The following MAGI2 variants were observed in gnomAD, a reference collection of about 807,000 sequenced individuals.
The protein encoded by MAGI2 is membrane-associated guanylate kinase, WW and PDZ domain-containing protein 2.
In MAGI2, 35 loss-of-function variants were observed where a neutral mutation model predicts 133.3. That is an observed-to-expected ratio of 0.26 (90% CI 0.20 to 0.35). The LOEUF is 0.35. Among genes scored for constraint, MAGI2 ranks in the 10% least tolerant of loss-of-function variants. The probability of loss-of-function intolerance (pLI) is 1.00; values close to 1 mark genes in which losing one functional copy is unlikely to be tolerated. For synonymous variants in MAGI2, 729 were observed against 710.6 expected (o/e 1.03, Z -0.41); for missense variants, 1,636 against 1,863.4 (o/e 0.88, Z 2.25).
At chr7:79,441,137 G>A (rs1476629909) in intron 1 of MAGI2, among the ~76,000 whole-genome samples, 1 of 152,130 alleles carries the variant, frequency 6.6e-6, no homozygotes, top group Non-Finnish European at 1.5e-5. Flanking sequence ...TCCTTCCCGC[G>A]GTCTGAGGCC....
chr7:78,968,508 T>A (rs1454042849), intron 2 of MAGI2, among the ~76,000 whole-genome samples: 1 of 151,980 alleles, frequency 6.6e-6, no homozygotes, highest in Non-Finnish European at 1.5e-5. Flanking sequence ...ATTTTTGATG[T>A]TACTATAATG....
At chr7:79,283,483 A>G (rs1443028832) in intron 1 of MAGI2, among the ~76,000 whole-genome samples, 1 of 152,060 alleles carries the variant, frequency 6.6e-6, no homozygotes, top group Non-Finnish European at 1.5e-5. Context: ...GATTTTGTTT[A>G]CCATCCTCTG....
intron 5 of MAGI2, 86 bp downstream of exon 5, chr7:78,501,491 T>TTC (rs1554443939): frequency 6.7e-6 from 8 of 1,190,394 alleles, no homozygotes; most frequent in Non-Finnish European, 3.6e-6. Flanking sequence ...TTTCTTTTTT[T>TTC]TTTTTTTTCC....
chr7:78,518,510 C>G (rs1005860514), intron 4 of MAGI2: 1 of 152,104 alleles, frequency 6.6e-6, no homozygotes, highest in Non-Finnish European at 1.5e-5. Context: ...ACTCCTAAAG[C>G]ATGGTAAGCA....
rs571891217 is a variant in MAGI2, at chr7:78,728,742, T to A, written c.419-101503A>T. Among the ~76,000 whole-genome samples, 548 of 139,246 alleles carry A rather than the reference T, an allele frequency of 3.9e-3. 24 individuals are homozygous for A. Among genetic ancestry groups the A allele is most frequent in the African/African-American group, 0.014 (528 of 37,818 alleles). The allele number at this position is 139,246 out of a possible 152,430, so 91.4% of individuals were successfully genotyped here. A position where few individuals can be genotyped will look rare whatever the true frequency, so the allele number is the denominator to read the frequency against. ...CACTACGCCCGGCTAATTTTTTGTA[T>A]TTTTAGTAGAGACGGGGTTTCACCG... On this transcript the variant is annotated intron_variant, in intron 2 of 21. Transcript: ENST00000354212.
chr7:78,275,006 C>G (rs977879515), intron 9 of MAGI2, among the ~76,000 whole-genome samples: 1 of 151,338 alleles, frequency 6.6e-6, no homozygotes, highest in African/African-American at 2.4e-5. Flanking sequence ...AAAAAAAACT[C>G]CTGCAGCTAG....
At chr7:78,597,966 TAGTA>T (rs1243940982) in intron 3 of MAGI2, among the ~76,000 whole-genome samples, 2 of 152,136 alleles carry the variant, frequency 1.3e-5, no homozygotes, top group Non-Finnish European at 2.9e-5. Flanking sequence ...GTAATCACTA[TAGTA>T]AGTGACACCA....
intron 10 of MAGI2, among the ~76,000 whole-genome samples, chr7:78,219,210 T>G (rs1376345438): frequency 6.6e-6 from 1 of 152,182 alleles, no homozygotes; most frequent in Non-Finnish European, 1.5e-5. Flanking sequence ...TGGTTTTAGC[T>G]TCTGTCTGCA....
At chr7:78,128,626 A>G (rs1821234524) in intron 18 of MAGI2, among the ~76,000 whole-genome samples, 1 of 151,996 alleles carries the variant, frequency 6.6e-6, no homozygotes, top group Non-Finnish European at 1.5e-5. Context: ...AGTATTAAGT[A>G]TTTTTAAAAA....
intron 9 of MAGI2, among the ~76,000 whole-genome samples, chr7:78,324,214 C>CTACACTA (rs1163068156): frequency 2.0e-5 from 3 of 151,296 alleles, no homozygotes; most frequent in Non-Finnish European, 4.4e-5. Context: ...CTACACTACA[C>CTACACTA]TTTAGAAGCC....
intron 2 of MAGI2, among the ~76,000 whole-genome samples, chr7:78,746,332 C>T (rs1822926999): frequency 6.6e-6 from 1 of 152,202 alleles, no homozygotes; most frequent in East Asian, 1.9e-4. Context: ...ATACACTGCT[C>T]TTGGCTTGAT....
chr7:78,471,375 C>A (rs927478192), intron 6 of MAGI2, among the ~76,000 whole-genome samples: 1 of 152,054 alleles, frequency 6.6e-6, no homozygotes, highest in Non-Finnish European at 1.5e-5. Context: ...AGTGATAGCA[C>A]TGGGCTGTTG....
chr7:79,240,487 GAGAGCA>G (rs373670559), intron 1 of MAGI2, among the ~76,000 whole-genome samples: 213 of 152,178 alleles, frequency 1.4e-3, no homozygotes, highest in African/African-American at 5.0e-3. Flanking sequence ...TCTCAATGTG[GAGAGCA>G]CACTGGCAGA....
chr7:78,923,533 G>T (rs901222356), intron 2 of MAGI2, among the ~76,000 whole-genome samples: 2 of 152,072 alleles, frequency 1.3e-5, no homozygotes, highest in Non-Finnish European at 2.9e-5. Flanking sequence ...TGAGGGCTCT[G>T]TTCTGTTCCA....
chr7:79,065,055 T>C (rs1814162751), intron 1 of MAGI2, among the ~76,000 whole-genome samples: 1 of 152,076 alleles, frequency 6.6e-6, no homozygotes, highest in Non-Finnish European at 1.5e-5. Flanking sequence ...ATTTCTGTAC[T>C]GTATTGTAGG....
At chr7:78,319,177 C>T (rs1055400377) in intron 9 of MAGI2, among the ~76,000 whole-genome samples, 2 of 152,192 alleles carry the variant, frequency 1.3e-5, no homozygotes, top group African/African-American at 4.8e-5. Context: ...CTGGCAAATT[C>T]GATAAAGAGT....
At chr7:79,123,617 C>T (rs1820106407) in intron 1 of MAGI2, among the ~76,000 whole-genome samples, 1 of 151,788 alleles carries the variant, frequency 6.6e-6, no homozygotes, top group Non-Finnish European at 1.5e-5. Flanking sequence ...GAAACCTCAT[C>T]TCTACTAAAA....
intron 6 of MAGI2, among the ~76,000 whole-genome samples, chr7:78,480,758 T>C (rs775212032): frequency 1.3e-5 from 2 of 151,882 alleles, no homozygotes; most frequent in Non-Finnish European, 2.9e-5. Flanking sequence ...AAAATCAATC[T>C]CATGTATATA....
At chr7:78,819,551 A>T (rs1156398351) in intron 2 of MAGI2, among the ~76,000 whole-genome samples, 1 of 152,082 alleles carries the variant, frequency 6.6e-6, no homozygotes, top group African/African-American at 2.4e-5. Context: ...ATTGAAACAG[A>T]CTAAAAATAA....
Sources: allele counts gnomAD v4.1 joint callset (sites outside exome capture counted in the v4.1 genomes callset), GRCh38; gene constraint gnomAD v4.1.1; transcripts MANE v1.5; gene names NCBI Gene and HGNC (gene_info 2026-07-23, HGNC 2026-07-21).